The following ZNF652 variants were observed in gnomAD, a reference collection of about 807,000 sequenced individuals.
ZNF652 encodes zinc finger protein 652.
ZNF652 carries 16 observed loss-of-function variants against 45.2 expected under a neutral mutation model. That is an observed-to-expected ratio of 0.35 (90% CI 0.24 to 0.54). The LOEUF is 0.54. Ranked by LOEUF, ZNF652 falls within the 20% of genes least tolerant of loss-of-function variation. The pLI is 0.91. For missense variants in ZNF652, 614 were observed against 765.6 expected, an observed-to-expected ratio of 0.80 and a Z score of 2.34; for synonymous variants, 250 against 260.6, an observed-to-expected ratio of 0.96 and a Z score of 0.39.
intron 1 of ZNF652, among the ~76,000 whole-genome samples, chr17:49,337,077 C>T (rs1252684659): frequency 1.3e-5 from 2 of 150,366 alleles, no homozygotes; most frequent in Non-Finnish European, 3.0e-5. Context: ...TGGCTCATGC[C>T]TATAATCCCA....
chr17:49,341,489 CAAAAAA>C lies in ZNF652; in HGVS notation c.-259+20414_-259+20419del, dbSNP rs754847307. Reference sequence around the variant, plus strand: ...GCAACATAGTACGACCTCATCTCTACAAAAAAAAAAAAAAAAAAAAAAAAATTAGCC... The same window carrying C: ...GCAACATAGTACGACCTCATCTCTACAAAAAAAAAAAAAAAAAAATTAGCC... On this transcript the variant is annotated intron_variant, in intron 1 of 5. Transcript: ENST00000430262. 4.1e-4 allele frequency among the ~76,000 whole-genome samples: 34 copies of C among 82,172 alleles called. 1 individual carries two copies. Among genetic ancestry groups the C allele is most frequent in the East Asian group, 3.6e-3 (9 of 2,474 alleles). 53.9% of individuals were successfully genotyped at this position (82,172 alleles called of 152,430 possible).
intron 1 of ZNF652, among the ~76,000 whole-genome samples, chr17:49,329,977 A>C (rs1304170614): frequency 6.6e-6 from 1 of 152,242 alleles, no homozygotes; most frequent in East Asian, 1.9e-4. Flanking sequence ...ATACTAATTA[A>C]GCTATACCAC....
Position 49,298,624 on chromosome 17 carries a change from G to A in ZNF652, c.1610C>T (p.Thr537Ile). 6.2e-7 allele frequency: 1 copy of A among 1,613,530 alleles called. No homozygotes were observed. Among genetic ancestry groups the A allele is most frequent in the Non-Finnish European group, 8.5e-7 (1 of 1,179,888 alleles). Residue 537 changes from threonine (T) to isoleucine (I), a missense_variant, in exon 6 of 6, where the codon ACT (threonine) becomes ATT (isoleucine). Thr to Ile is a moderately conservative substitution (Grantham distance 89). Transcript: ENST00000430262. Reference protein sequence around the residue: ...TPPINMNPVSTLPPRPIPHPF... With the variant: ...TPPINMNPVSILPPRPIPHPF... ...GTGGGGGATGGGCCGAGGGGGAAGA[G>A]TGCTTACAGGATTCATATTGATTGG...
At chr17:49,315,591 A>G (rs2069791947) in intron 2 of ZNF652, among the ~76,000 whole-genome samples, 2 of 151,900 alleles carry the variant, frequency 1.3e-5, no homozygotes, top group South Asian at 4.1e-4. Flanking sequence ...AAACCTATAT[A>G]TAAAGATCAA....
At chr17:49,315,500 G>T (rs537035590) in intron 2 of ZNF652, among the ~76,000 whole-genome samples, 1 of 151,220 alleles carries the variant, frequency 6.6e-6, no homozygotes, top group East Asian at 1.9e-4. Flanking sequence ...GAATCGTGAG[G>T]AAAGTCACAC....
intron 1 of ZNF652, among the ~76,000 whole-genome samples, chr17:49,346,595 T>C (rs1314400931): frequency 6.6e-6 from 1 of 152,176 alleles, no homozygotes; most frequent in Non-Finnish European, 1.5e-5. Context: ...CACATGTTTG[T>C]AAAATGCATA....
intron 1 of ZNF652, among the ~76,000 whole-genome samples, chr17:49,356,824 C>G (rs532694444): frequency 6.6e-6 from 1 of 152,224 alleles, no homozygotes; most frequent in East Asian, 1.9e-4. Context: ...CTAGGTAACT[C>G]TTGTGGGCTC....
chr17:49,335,084 A>T (rs562755599), intron 1 of ZNF652, among the ~76,000 whole-genome samples: 27 of 152,206 alleles, frequency 1.8e-4, no homozygotes, highest in Non-Finnish European at 3.5e-4. Flanking sequence ...CAAAAACTGC[A>T]GACTTGTATG....
intron 1 of ZNF652, among the ~76,000 whole-genome samples, chr17:49,323,800 G>A (rs916884250): frequency 1.3e-5 from 2 of 152,212 alleles, no homozygotes; most frequent in Admixed American, 1.3e-4. Flanking sequence ...TTTCTGAGCA[G>A]TAGGTTATAA....
At chr17:49,361,573 C>T (rs2143168293) in intron 1 of ZNF652, among the ~76,000 whole-genome samples, 1 of 152,318 alleles carries the variant, frequency 6.6e-6, no homozygotes. Context: ...TGCAAACCTC[C>T]TCTCGGCCCG....
rs79223414 is a variant in ZNF652 at position 49,358,477 on chromosome 17, T to G, written c.-259+3432A>C. On this transcript the variant is annotated intron_variant, in intron 1 of 5. Transcript: ENST00000430262. Reference sequence around the variant, plus strand: ...CAAAATACAAGACAATCCACTTTTTTTTGTTGTTGTCTCTCAGCTGACTTT... The same window carrying G: ...CAAAATACAAGACAATCCACTTTTTGTTGTTGTTGTCTCTCAGCTGACTTT... Among the ~76,000 whole-genome samples, 566 of 152,344 alleles carry G rather than the reference T, an allele frequency of 3.7e-3. 3 individuals are homozygous for G. The highest frequency in any genetic ancestry group is 0.013 in the African/African-American group (549 of 41,584).
chr17:49,303,398 A>T (rs2069582138), intron 5 of ZNF652, among the ~76,000 whole-genome samples: 1 of 151,266 alleles, frequency 6.6e-6, no homozygotes. Flanking sequence ...GCACCACCAT[A>T]CCTGGCTAGT....
At chr17:49,344,243 T>C (rs2070180603) in intron 1 of ZNF652, among the ~76,000 whole-genome samples, 1 of 151,492 alleles carries the variant, frequency 6.6e-6, no homozygotes, top group Non-Finnish European at 1.5e-5. Flanking sequence ...TGCATGCCTA[T>C]AGTCCTAGCT....
intron 5 of ZNF652, among the ~76,000 whole-genome samples, chr17:49,305,243 T>G (rs1426753226): frequency 6.6e-6 from 1 of 152,074 alleles, no homozygotes; most frequent in African/African-American, 2.4e-5. Context: ...ACTATTTTGA[T>G]AGTACTGATA....
At chr17:49,337,993 AT>A (rs2070104082) in intron 1 of ZNF652, among the ~76,000 whole-genome samples, 1 of 152,002 alleles carries the variant, frequency 6.6e-6, no homozygotes, top group Admixed American at 6.6e-5. Flanking sequence ...AAATACAACA[AT>A]TTTTTGTTTT....
intron 1 of ZNF652, among the ~76,000 whole-genome samples, chr17:49,335,561 CTTA>C (rs1397516252): frequency 2.0e-5 from 3 of 152,050 alleles, no homozygotes; most frequent in Admixed American, 6.6e-5. Context: ...CATGTTCTCT[CTTA>C]TTATTAAAAA....
In ZNF652 at chr17:49,296,067, A is replaced by G. The variant is rs952193162; in HGVS notation, c.*2346T>C. On this transcript the variant is annotated 3_prime_UTR_variant, in exon 6 of 6. Coordinates refer to ENST00000430262, the MANE Select transcript of ZNF652 (RefSeq NM_001145365.3). ...CATGAAATAATGATATGTCTATATA[A>G]AAGTGTAGGTTGACAAACTTGTCAT... 2 of 152,144 alleles carry G rather than the reference A, an allele frequency of 1.3e-5. No individual in the cohort carries two copies. Among genetic ancestry groups the G allele is most frequent in the African/African-American group, 2.4e-5 (1 of 41,456 alleles). 9.4% of individuals were successfully genotyped at this position (152,144 alleles called of 1,614,324 possible).
At chr17:49,321,142 A>G (rs2069886284) in intron 1 of ZNF652, among the ~76,000 whole-genome samples, 4 of 152,138 alleles carry the variant, frequency 2.6e-5, no homozygotes, top group Admixed American at 2.0e-4. Flanking sequence ...TAACCAATAT[A>G]AAATCCTTAA....
Position 49,317,915 on chromosome 17 carries a change from T to G in ZNF652, c.-190A>C, listed in dbSNP as rs1351822815. ...AGCATGAGTCAAAAAGGTTTGGTAT[T>G]ATGGCAAGAGCAGAGCACTAGTGAT... On this transcript the variant is annotated 5_prime_UTR_variant, in exon 2 of 6. Coordinates refer to ENST00000430262, the MANE Select transcript of ZNF652 (RefSeq NM_001145365.3). The G allele has an allele frequency of 3.3e-6, 2 of 608,940 alleles. No individual in the cohort carries two copies. The highest frequency in any genetic ancestry group is 5.9e-5 in the East Asian group (2 of 34,032). 37.7% of individuals were successfully genotyped at this position (608,940 alleles called of 1,614,324 possible).
Sources: gnomAD v4.1 joint callset for allele counts (sites outside exome capture counted in the v4.1 genomes callset) on GRCh38, gnomAD v4.1.1 for gene constraint, MANE v1.5 for transcripts, NCBI Gene and HGNC (gene_info 2026-07-23, HGNC 2026-07-21) for gene names.